Variants in CTNNA3 observed in about 807,000 individuals in gnomAD.
CTNNA3 encodes catenin alpha 3.
Under a neutral mutation model 95.7 loss-of-function variants are expected in CTNNA3, and 76 were observed. That is an observed-to-expected ratio of 0.79 (90% CI 0.66 to 0.96). CTNNA3 has a LOEUF of 0.96. CTNNA3 is among the 40% of genes least tolerant of loss of function. The probability of loss-of-function intolerance (pLI) is 0.00; values close to 1 mark genes in which losing one functional copy is unlikely to be tolerated. For missense variants in CTNNA3, 1,191 were observed against 1,089.8 expected, an observed-to-expected ratio of 1.09 and a Z score of -1.31; for synonymous variants, 431 against 374.4, an observed-to-expected ratio of 1.15 and a Z score of -1.74.
At chr10:66,491,419 C>G (rs1274261199) in intron 11 of CTNNA3, among the ~76,000 whole-genome samples, 1 of 152,112 alleles carries the variant, frequency 6.6e-6, no homozygotes, top group Non-Finnish European at 1.5e-5. Context: ...CAAAATTTCT[C>G]CAGATGGAGT....
At position 66,511,393 on chromosome 10, in the gene CTNNA3, T is replaced by C. The variant is rs142418321; in HGVS notation, c.1531+9224A>G. ...TCATTCTGTGCTGATCTTTATTATT[T>C]ATTTTCCTCTATTAACTTTGGGTTT... On this transcript the variant is annotated intron_variant, in intron 11 of 17. Transcript: ENST00000433211. Among the ~76,000 whole-genome samples the C allele has an allele frequency of 1.0e-3, 155 of 151,964 alleles. 1 individual carries two copies. Among genetic ancestry groups the C allele is most frequent in the African/African-American group, 3.7e-3 (153 of 41,550 alleles).
intron 10 of CTNNA3, among the ~76,000 whole-genome samples, chr10:66,605,203 AATCTCAGAGGCTGAAG>A (rs1405795689): frequency 6.6e-6 from 1 of 152,176 alleles, no homozygotes; most frequent in African/African-American, 2.4e-5. Flanking sequence ...TTGAGGAAAG[AATCTCAGAGGCTGAAG>A]ACTAGCTTTC....
At chr10:66,274,367 T>C (rs1259483859) in intron 13 of CTNNA3, among the ~76,000 whole-genome samples, 1 of 152,092 alleles carries the variant, frequency 6.6e-6, no homozygotes, top group Non-Finnish European at 1.5e-5. Context: ...AAACATATAG[T>C]GGATCAAACG....
intron 5 of CTNNA3, among the ~76,000 whole-genome samples, chr10:67,328,187 G>A (rs1192146408): frequency 6.6e-6 from 1 of 152,210 alleles, no homozygotes; most frequent in Non-Finnish European, 1.5e-5. Flanking sequence ...GAAAGCTGCA[G>A]TATGGGAGGG....
At chr10:67,692,074 G>C (rs1254705109) in intron 1 of CTNNA3, among the ~76,000 whole-genome samples, 1 of 145,858 alleles carries the variant, frequency 6.9e-6, no homozygotes, top group Non-Finnish European at 1.5e-5. Context: ...AGGTGGGGGG[G>C]TCAGCCCCCC....
At chr10:66,109,570 A>G (rs1256046214) in intron 13 of CTNNA3, among the ~76,000 whole-genome samples, 2 of 152,176 alleles carry the variant, frequency 1.3e-5, no homozygotes, top group African/African-American at 4.8e-5. Flanking sequence ...TTGGCCCAAC[A>G]TAGGTAGCAG....
At chr10:66,844,759 C>A (rs1056184471) in intron 7 of CTNNA3, among the ~76,000 whole-genome samples, 5 of 152,106 alleles carry the variant, frequency 3.3e-5, no homozygotes, top group African/African-American at 1.2e-4. Flanking sequence ...ATGCAATAGC[C>A]CCCTCTCTGG....
At chr10:67,412,568 G>A (rs1402091471) in intron 5 of CTNNA3, among the ~76,000 whole-genome samples, 3 of 151,976 alleles carry the variant, frequency 2.0e-5, no homozygotes, top group African/African-American at 7.3e-5. Context: ...GAATCACCAA[G>A]ATCAATGCAA....
chr10:67,568,331 G>C lies in CTNNA3; in HGVS notation c.293-28662C>G, dbSNP rs527238770. Among the ~76,000 whole-genome samples the C allele has an allele frequency of 2.0e-5, 3 of 151,672 alleles. No homozygotes were observed. In the East Asian group the frequency reaches 5.8e-4, roughly 29 times the overall value. On this transcript the variant is annotated intron_variant, in intron 3 of 17. Coordinates refer to ENST00000433211, the MANE Select transcript of CTNNA3 (RefSeq NM_013266.4). ...CCAGAAATGATTATTCTTGGAAAGT[G>C]GCATCCTGGAAGTGTACTTAATCTT...
At chr10:66,279,201 T>G (rs80013496) in intron 13 of CTNNA3, among the ~76,000 whole-genome samples, 10,986 of 152,118 alleles carry the variant, frequency 0.072, 513 homozygotes, top group Admixed American at 0.12. Flanking sequence ...GGCCCTTTTC[T>G]TTACAAGGTC....
At chr10:66,001,479 C>A in intron 15 of CTNNA3, among the ~76,000 whole-genome samples, 1 of 152,080 alleles carries the variant, frequency 6.6e-6, no homozygotes, top group Non-Finnish European at 1.5e-5. Flanking sequence ...TGAATACAGA[C>A]TTGAAAAATA....
chr10:66,445,369 A>AT (rs530644130), intron 11 of CTNNA3, among the ~76,000 whole-genome samples: 3 of 151,984 alleles, frequency 2.0e-5, no homozygotes, highest in South Asian at 4.2e-4. Flanking sequence ...CAGAATATAC[A>AT]TTTTTTTTCA....
At chr10:66,526,108 A>C (rs1841248789) in intron 10 of CTNNA3, among the ~76,000 whole-genome samples, 1 of 152,092 alleles carries the variant, frequency 6.6e-6, no homozygotes, top group African/African-American at 2.4e-5. Context: ...TGCTGTTATG[A>C]CCATTGTTGT....
At chr10:66,264,744 A>G (rs6480156) in intron 13 of CTNNA3, among the ~76,000 whole-genome samples, 70,855 of 151,594 alleles carry the variant, frequency 0.47, 17,941 homozygotes, top group African/African-American at 0.68. Flanking sequence ...GCCTGGAGAA[A>G]TACAACAGAC....
intron 14 of CTNNA3, among the ~76,000 whole-genome samples, chr10:66,075,544 C>T (rs2080534211): frequency 6.6e-6 from 1 of 151,754 alleles, no homozygotes; most frequent in South Asian, 2.1e-4. Context: ...AGACTTTCCA[C>T]AAAATGGAAA....
At chr10:67,232,165 A>C (rs1865243124) in intron 5 of CTNNA3, among the ~76,000 whole-genome samples, 1 of 152,162 alleles carries the variant, frequency 6.6e-6, no homozygotes, top group Admixed American at 6.5e-5. Flanking sequence ...AGAGAACGCC[A>C]CAAAGACACT....
chr10:66,860,075 G>C (rs1469588585), intron 7 of CTNNA3, among the ~76,000 whole-genome samples: 1 of 143,238 alleles, frequency 7.0e-6, no homozygotes, highest in African/African-American at 2.6e-5. Flanking sequence ...TAAATGATGA[G>C]TTAATGGGTG....
chr10:67,113,335 G>C (rs1008286723), intron 7 of CTNNA3, among the ~76,000 whole-genome samples: 1 of 151,760 alleles, frequency 6.6e-6, no homozygotes, highest in East Asian at 1.9e-4. Flanking sequence ...TCTCATCCCT[G>C]ACTCATCTTT....
Position 66,383,340 on chromosome 10 carries a change from G to A in CTNNA3, c.1532-3988C>T, listed in dbSNP as rs192415383. Among the ~76,000 whole-genome samples the A allele has an allele frequency of 4.6e-5, 7 of 152,274 alleles. No individual in the cohort carries two copies. The East Asian group carries it at 7.7e-4, about 17-fold the overall frequency. On this transcript the variant is annotated intron_variant, in intron 11 of 17. Coordinates refer to ENST00000433211, the MANE Select transcript of CTNNA3 (RefSeq NM_013266.4). The stretch of plus-strand genomic sequence containing the variant: ...CAGATTCGATCAAGTGGAAGAAAGG[G>A]TATCAGTGATTGAAGATCAAATTAA...
Sources: allele counts gnomAD v4.1 joint callset (sites outside exome capture counted in the v4.1 genomes callset), GRCh38; gene constraint gnomAD v4.1.1; transcripts MANE v1.5; gene names NCBI Gene and HGNC (gene_info 2026-07-23, HGNC 2026-07-21).